Variants in VMP1 observed in about 807,000 individuals in gnomAD.
VMP1 encodes the protein vacuole membrane protein 1.
In VMP1, 11 loss-of-function variants were observed where a neutral mutation model predicts 56.0. That is an observed-to-expected ratio of 0.20 (90% CI 0.12 to 0.32). The LOEUF (loss-of-function observed/expected upper bound fraction) is 0.32. Ranked by LOEUF, VMP1 falls within the 10% of genes least tolerant of loss-of-function variation. The pLI is 1.00. For missense variants in VMP1, 296 were observed against 490.3 expected, an observed-to-expected ratio of 0.60 and a Z score of 3.74; for synonymous variants, 149 against 165.0, an observed-to-expected ratio of 0.90 and a Z score of 0.74.
At chr17:59,810,328 AT>A (rs1285499577) in intron 8 of VMP1, among the ~76,000 whole-genome samples, 1 of 151,944 alleles carries the variant, frequency 6.6e-6, no homozygotes, top group Non-Finnish European at 1.5e-5. Flanking sequence ...TAATTTTTGT[AT>A]TTTTAGTAGA....
chr17:59,736,422 C>T (rs984416607), intron 3 of VMP1, among the ~76,000 whole-genome samples: 4 of 146,980 alleles, frequency 2.7e-5, no homozygotes, highest in Admixed American at 6.9e-5. Context: ...AAAAATTAGC[C>T]GGTCGTGGTA....
At position 59,839,870 on chromosome 17, in the gene VMP1, C is replaced by T. The variant is rs1390536649; in HGVS notation, c.1180C>T (p.Arg394Ter). The T allele has an allele frequency of 6.2e-7, 1 of 1,612,398 alleles. No individual in the cohort carries two copies. The highest frequency in any genetic ancestry group is 1.3e-5 in the African/African-American group (1 of 74,802). ...INSMAQSYAKRIQQRLNSEEK... is the reference protein window; with the variant it reads ...INSMAQSYAK The stretch of plus-strand genomic sequence containing the variant: ...CTCCATGGCACAAAGTTATGCCAAA[C>T]GAATCCAGCAGCGGTTGAACTCAGA... The change falls in exon 12 of 12, where the codon CGA (arginine) becomes TGA (stop). Residue 394 changes from arginine (R) to a stop codon, truncating the protein, a stop_gained. Coordinates refer to ENST00000262291, the MANE Select transcript of VMP1 (RefSeq NM_030938.5). LOFTEE classifies it high-confidence loss of function.
intron 5 of VMP1, among the ~76,000 whole-genome samples, chr17:59,759,621 A>C (rs557916641): frequency 6.6e-6 from 1 of 152,132 alleles, no homozygotes; most frequent in Non-Finnish European, 1.5e-5. Flanking sequence ...TGGATTTTTT[A>C]AATGGTTTTT....
chr17:59,839,942 A>T lies in VMP1; in HGVS notation c.*31A>T. On this transcript the variant is annotated 3_prime_UTR_variant, in exon 12 of 12. Coordinates refer to ENST00000262291, the MANE Select transcript of VMP1 (RefSeq NM_030938.5). ...GAAAGTTTTAAACTGCAGAAATTGG[A>T]GTGGATGGGTTCTGCCTTAAATTGG... 6.2e-7 allele frequency: 1 copy of T among 1,607,286 alleles called. No individual in the cohort carries two copies. The highest frequency in any genetic ancestry group is 1.1e-5 in the South Asian group (1 of 89,492).
Position 59,840,856 on chromosome 17 carries a change from C to T in VMP1, c.*945C>T, listed in dbSNP as rs548373048. The T allele has an allele frequency of 2.1e-4, 33 of 154,354 alleles. No homozygotes were observed. Among genetic ancestry groups the T allele is most frequent in the Non-Finnish European group, 4.0e-4 (28 of 69,320 alleles). The allele number at this position is 154,354 out of a possible 1,614,324, so 9.6% of individuals were successfully genotyped here. A position where few individuals can be genotyped will look rare whatever the true frequency, so the allele number is the denominator to read the frequency against. ...AATATCTCATACAAGTGAAAGGATACTGGAGAGAGAAATTACCCATTTCTA... is the reference window on the plus strand; with the variant it reads ...AATATCTCATACAAGTGAAAGGATATTGGAGAGAGAAATTACCCATTTCTA... On this transcript the variant is annotated 3_prime_UTR_variant, in exon 12 of 12. Transcript: ENST00000262291.
chr17:59,727,730 C>T (rs531462727), intron 1 of VMP1, among the ~76,000 whole-genome samples: 2 of 152,162 alleles, frequency 1.3e-5, no homozygotes, highest in African/African-American at 2.4e-5. Context: ...GCATTTTGTA[C>T]GTTTATTACC....
At chr17:59,802,397 A>T (rs2037704099) in intron 7 of VMP1, among the ~76,000 whole-genome samples, 1 of 151,716 alleles carries the variant, frequency 6.6e-6, no homozygotes, top group South Asian at 2.1e-4. Context: ...ACACTGCATG[A>T]TGTTCACACG....
At chr17:59,775,972 G>A (rs1301694018) in intron 7 of VMP1, among the ~76,000 whole-genome samples, 1 of 151,996 alleles carries the variant, frequency 6.6e-6, no homozygotes, top group Non-Finnish European at 1.5e-5. Flanking sequence ...GAGAACTTTG[G>A]GAGGCTGAAA....
chr17:59,743,559 GCTCTCT>G (rs367998812), intron 5 of VMP1, among the ~76,000 whole-genome samples: 10 of 145,092 alleles, frequency 6.9e-5, no homozygotes, highest in Non-Finnish European at 1.5e-4. Context: ...TTAAAAAACT[GCTCTCT>G]CTCTCTCTCT....
At chr17:59,756,584 C>T (rs1048767915) in intron 5 of VMP1, among the ~76,000 whole-genome samples, 1 of 152,124 alleles carries the variant, frequency 6.6e-6, no homozygotes, top group African/African-American at 2.4e-5. Flanking sequence ...CAAACAACTC[C>T]AGTCTTTAGG....
intron 9 of VMP1, among the ~76,000 whole-genome samples, chr17:59,815,395 G>T (rs2038190652): frequency 6.6e-6 from 1 of 152,036 alleles, no homozygotes; most frequent in South Asian, 2.1e-4. Context: ...ATACATCACT[G>T]TTCTTTATCT....
intron 5 of VMP1, among the ~76,000 whole-genome samples, chr17:59,756,045 A>G (rs915227104): frequency 2.0e-5 from 3 of 152,068 alleles, no homozygotes; most frequent in Non-Finnish European, 4.4e-5. Flanking sequence ...CCTGTACTGC[A>G]TTTTGTAGAG....
chr17:59,769,757 C>G (rs1176850499), intron 6 of VMP1, among the ~76,000 whole-genome samples: 1 of 152,154 alleles, frequency 6.6e-6, no homozygotes, highest in Admixed American at 6.5e-5. Context: ...ATTCTCTCTC[C>G]TTAATTAAAC....
chr17:59,815,268 A>T (rs1322384906), intron 9 of VMP1, among the ~76,000 whole-genome samples: 2 of 152,092 alleles, frequency 1.3e-5, no homozygotes, highest in Admixed American at 6.6e-5. Context: ...TTTAGAAAAA[A>T]TTTTTTAAGA....
At chr17:59,796,694 C>A (rs761465403) in intron 7 of VMP1, among the ~76,000 whole-genome samples, 13 of 152,142 alleles carry the variant, frequency 8.5e-5, no homozygotes, top group African/African-American at 1.4e-4. Context: ...TAAAGCTATT[C>A]ATTCCTCGTT....
intron 10 of VMP1, among the ~76,000 whole-genome samples, chr17:59,833,758 C>T (rs1256051739): frequency 6.6e-6 from 1 of 152,118 alleles, no homozygotes; most frequent in Non-Finnish European, 1.5e-5. Context: ...TCTTAATGGA[C>T]TTACAATGGT....
intron 10 of VMP1, 115 bp downstream of exon 10, chr17:59,817,888 C>A: frequency 1.4e-6 from 1 of 693,110 alleles, no homozygotes. Flanking sequence ...TTTTGAGGAG[C>A]AAAAATAACT....
In VMP1 at chr17:59,739,019, G is replaced by T. The variant is rs561183649; in HGVS notation, c.414+72G>T. ...TTTTATTGGTGCTTTTATGTCAGAAGTAAAAATTCTAAGATTTGTTTTAAT... is the reference window on the plus strand; with the variant it reads ...TTTTATTGGTGCTTTTATGTCAGAATTAAAAATTCTAAGATTTGTTTTAAT... On this transcript the variant is annotated intron_variant, in intron 5 of 11. Transcript: ENST00000262291. 1.6e-5 allele frequency: 20 copies of T among 1,234,670 alleles called. No homozygotes were observed. The South Asian group carries it at 2.1e-4, about 13-fold the overall frequency. 76.5% of individuals were successfully genotyped at this position (1,234,670 alleles called of 1,614,324 possible).
chr17:59,765,029 C>G lies in VMP1; in HGVS notation c.473C>G (p.Pro158Arg). The change falls in exon 6 of 12, where the codon CCC (proline) becomes CGC (arginine). Residue 158 changes from proline (P) to arginine (R), a missense_variant. Coordinates refer to ENST00000262291, the MANE Select transcript of VMP1 (RefSeq NM_030938.5). ...TATGAATGCAATTCAGTTAATTTTC[C>G]CGAACCACCCTATCCTGATCAGATT... ...AAYECNSVNF[P>R]EPPYPDQIIC... 8.7e-6 allele frequency: 14 copies of G among 1,613,212 alleles called. No individual in the cohort carries two copies. The highest frequency in any genetic ancestry group is 1.1e-5 in the Non-Finnish European group (13 of 1,179,634).
Sources: gnomAD v4.1 joint callset for allele counts (sites outside exome capture counted in the v4.1 genomes callset) on GRCh38, gnomAD v4.1.1 for gene constraint, MANE v1.5 for transcripts, NCBI Gene and HGNC (gene_info 2026-07-23, HGNC 2026-07-21) for gene names.